Variants in DCHS2 observed in about 807,000 individuals in gnomAD.
DCHS2 encodes the protein protocadherin-23.
DCHS2 carries 142 observed loss-of-function variants against 182.4 expected under a neutral mutation model. The ratio of observed to expected loss-of-function variants is 0.78; its 90% CI spans 0.68 to 0.89. DCHS2 has a LOEUF of 0.89. Among genes scored for constraint, DCHS2 ranks in the 40% least tolerant of loss-of-function variants. DCHS2 has a pLI of 0.00. For missense variants in DCHS2, 4,319 were observed against 4,198.6 expected (o/e 1.03, Z -0.79); for synonymous variants, 1,740 against 1,663.3 (o/e 1.05, Z -1.12).
intron 1 of DCHS2, among the ~76,000 whole-genome samples, chr4:154,402,238 A>T (rs1732216216): frequency 6.6e-6 from 1 of 152,182 alleles, no homozygotes; most frequent in South Asian, 2.1e-4. Context: ...CCACTGAATT[A>T]TTTGTCTTTC....
chr4:154,487,281 A>G (rs1039738367), intron 1 of DCHS2, among the ~76,000 whole-genome samples: 5 of 152,124 alleles, frequency 3.3e-5, no homozygotes, highest in Non-Finnish European at 5.9e-5. Flanking sequence ...GCTCCTCTAC[A>G]TTTCTCAGCC....
chr4:154,482,181 C>A (rs185358406), intron 1 of DCHS2, among the ~76,000 whole-genome samples: 1 of 152,296 alleles, frequency 6.6e-6, no homozygotes, highest in Admixed American at 6.5e-5. Context: ...AAGACTAAGA[C>A]ACTTTTGCCT....
At chr4:154,239,099 G>A in intron 19 of DCHS2, 71 bp downstream of exon 19, 4 of 1,542,146 alleles carry the variant, frequency 2.6e-6, no homozygotes, top group African/African-American at 1.4e-5. Flanking sequence ...GAGGCATTTA[G>A]AAAGGGTTAT....
At chr4:154,405,794 G>A (rs1732376357) in intron 1 of DCHS2, among the ~76,000 whole-genome samples, 1 of 152,070 alleles carries the variant, frequency 6.6e-6, no homozygotes, top group Non-Finnish European at 1.5e-5. Flanking sequence ...GTGTCAACTT[G>A]GGTTATTTCT....
At chr4:154,361,765 C>A (rs80048317) in intron 3 of DCHS2, among the ~76,000 whole-genome samples, 6,720 of 152,048 alleles carry the variant, frequency 0.044, 189 homozygotes, top group Non-Finnish European at 0.068. Context: ...CTAGTTTTCT[C>A]CAAAACATTT....
At chr4:154,370,090 C>T (rs985995517) in intron 2 of DCHS2, among the ~76,000 whole-genome samples, 1 of 152,050 alleles carries the variant, frequency 6.6e-6, no homozygotes, top group Non-Finnish European at 1.5e-5. Context: ...TGTCAATGAA[C>T]TCCAGTCTAT....
chr4:154,491,303 G>T lies in DCHS2; in HGVS notation c.53C>A (p.Pro18Gln), dbSNP rs751547193. Residue 18 changes from proline (P) to glutamine (Q), a missense_variant, in exon 1 of 20, where the codon CCG becomes CAG. Transcript: ENST00000357232. ...GGGGAGCAGAAGGAGCTTCCCGACCGGAGCCCGCCGCTGCTGACGCCCTTC... is the reference window on the plus strand; with the variant it reads ...GGGGAGCAGAAGGAGCTTCCCGACCTGAGCCCGCCGCTGCTGACGCCCTTC... ...MGEGRQQRRA[P>Q]VGKLLLLPGR... is the part of the protein sequence containing the mutation. The T allele has an allele frequency of 4.5e-5, 70 of 1,547,716 alleles. No homozygotes were observed. Among genetic ancestry groups the T allele is most frequent in the Non-Finnish European group, 6.1e-5 (70 of 1,144,648 alleles).
rs755972187 is a variant in DCHS2 at position 154,298,233 on chromosome 4, A to G, written c.6081T>C (p.Tyr2027=). Residue 2027 remains tyrosine, a synonymous_variant, in exon 13 of 20, where the codon TAT becomes TAC. Coordinates refer to ENST00000357232, the MANE Select transcript of DCHS2 (RefSeq NM_001358235.2). The part of the protein sequence containing the change: ...SRSTTVIIKV[Y]VTDVNDNDPV... ...GATCATTGTCATTAACATCAGTGAC[A>G]TATACTTTTATAATTACAGTGGTGC... is the stretch of plus-strand genomic sequence containing the variant. 6 of 1,614,028 alleles carry G rather than the reference A, an allele frequency of 3.7e-6. No homozygotes were observed. The highest frequency in any genetic ancestry group is 5.1e-6 in the Non-Finnish European group (6 of 1,180,032).
At chr4:154,426,907 A>G (rs1307488705) in intron 1 of DCHS2, among the ~76,000 whole-genome samples, 1 of 152,178 alleles carries the variant, frequency 6.6e-6, no homozygotes, top group Admixed American at 6.5e-5. Context: ...ACATTGTATG[A>G]CTGTATCCAA....
chr4:154,269,915 G>T lies in DCHS2; in HGVS notation c.6562C>A (p.Leu2188Met), dbSNP rs766175499. ...FSGNEDGVLS[L>M]CSKSGQLTVK... ...GAAGGATTACCTGACTTAGAGCACAGGGAAAGAACTCCATCTTCATTTCCA... is the reference window on the plus strand; with the variant it reads ...GAAGGATTACCTGACTTAGAGCACATGGAAAGAACTCCATCTTCATTTCCA... The change falls in exon 14 of 20, where the codon CTG becomes ATG. Residue 2188 changes from leucine to methionine, a missense_variant. Leu to Met is a conservative substitution (Grantham distance 15, BLOSUM62 2). Coordinates refer to ENST00000357232, the MANE Select transcript of DCHS2 (RefSeq NM_001358235.2). The T allele has an allele frequency of 5.0e-6, 8 of 1,611,992 alleles. No homozygotes were observed. The South Asian group carries it at 8.8e-5, about 18-fold the overall frequency.
At chr4:154,329,751 C>T in intron 5 of DCHS2, 41 bp from the exon 6 acceptor site, 3 of 1,538,452 alleles carry the variant, frequency 2.0e-6, no homozygotes, top group Non-Finnish European at 2.7e-6. Flanking sequence ...GCACTGTGTA[C>T]CAGGCGCACC....
In DCHS2 at chr4:154,235,505, G is replaced by C. The variant is rs753511759; in HGVS notation, c.9147C>G (p.Leu3049=). ...DLRVTRDASV[L]KAFQKTDDCS... The stretch of plus-strand genomic sequence containing the variant: ...AGTCGTCAGTTTTCTGGAAGGCTTT[G>C]AGCACACTGGCATCCCGGGTCACTC... The change falls in exon 20 of 20, where the codon CTC becomes CTG. Residue 3049 remains leucine, a synonymous_variant. Transcript: ENST00000357232. 4.3e-6 allele frequency: 7 copies of C among 1,613,966 alleles called. No individual in the cohort carries two copies. In the African/African-American group the frequency reaches 6.7e-5, roughly 15 times the overall value.
At chr4:154,415,861 C>T (rs1382374387) in intron 1 of DCHS2, among the ~76,000 whole-genome samples, 1 of 152,132 alleles carries the variant, frequency 6.6e-6, no homozygotes, top group African/African-American at 2.4e-5. Context: ...AGGAAGAAAA[C>T]ATAAATTCAC....
intron 2 of DCHS2, among the ~76,000 whole-genome samples, chr4:154,372,562 A>G (rs1730691504): frequency 6.6e-6 from 1 of 152,218 alleles, no homozygotes; most frequent in African/African-American, 2.4e-5. Flanking sequence ...AGGATGTAAC[A>G]AAAAATAGAG....
intron 7 of DCHS2, chr4:154,322,801 A>AT (rs903027137): frequency 1.6e-4 from 42 of 258,876 alleles, no homozygotes; most frequent in Non-Finnish European, 1.9e-4. Context: ...CGCTTCTCCC[A>AT]TTTTTTTTGA....
chr4:154,471,116 T>C (rs1735446952), intron 1 of DCHS2, among the ~76,000 whole-genome samples: 1 of 152,248 alleles, frequency 6.6e-6, no homozygotes, highest in Non-Finnish European at 1.5e-5. Flanking sequence ...CTTTGTGTGC[T>C]GGCTAGATTT....
At chr4:154,332,278 C>T (rs1412441671) in intron 5 of DCHS2, among the ~76,000 whole-genome samples, 200 bp downstream of exon 5, 2 of 152,166 alleles carry the variant, frequency 1.3e-5, no homozygotes, top group Non-Finnish European at 2.9e-5. Flanking sequence ...TTTTTAAGAC[C>T]TCACAATAGA....
At chr4:154,290,879 A>G (rs1734629402) in intron 13 of DCHS2, among the ~76,000 whole-genome samples, 1 of 152,058 alleles carries the variant, frequency 6.6e-6, no homozygotes, top group South Asian at 2.1e-4. Flanking sequence ...TTGGAGTGGG[A>G]GTAGATTTCT....
chr4:154,463,234 A>G (rs1375076740), intron 1 of DCHS2, among the ~76,000 whole-genome samples: 1 of 151,832 alleles, frequency 6.6e-6, no homozygotes, highest in Non-Finnish European at 1.5e-5. Flanking sequence ...CAATGGCAGC[A>G]TACTATACAA....
Sources: allele counts gnomAD v4.1 joint callset (sites outside exome capture counted in the v4.1 genomes callset), GRCh38; gene constraint gnomAD v4.1.1; transcripts MANE v1.5; gene names NCBI Gene and HGNC (gene_info 2026-07-23, HGNC 2026-07-21).